Variants in CSMD1 observed in about 807,000 individuals in gnomAD.
The protein encoded by CSMD1 is CUB and sushi domain-containing protein 1.
Under a neutral mutation model 417.5 loss-of-function variants are expected in CSMD1, and 213 were observed. That is an observed-to-expected ratio of 0.51 (90% CI 0.46 to 0.57). The LOEUF (loss-of-function observed/expected upper bound fraction) is 0.57. Among genes scored for constraint, CSMD1 ranks in the 20% least tolerant of loss-of-function variants. The pLI, the probability that CSMD1 is intolerant of heterozygous loss-of-function variation, is 0.00. For missense variants in CSMD1, 6,923 were observed against 4,529.7 expected (o/e 1.53, Z -15.17); for synonymous variants, 2,862 against 1,736.8 (o/e 1.65, Z -16.11).
At chr8:2,971,771 T>C (rs1168020610) in intron 57 of CSMD1, among the ~76,000 whole-genome samples, 2 of 152,222 alleles carry the variant, frequency 1.3e-5, no homozygotes, top group Non-Finnish European at 1.5e-5. Flanking sequence ...AGTGTCATAC[T>C]TCAGTTAAAA....
chr8:4,766,225 G>C (rs1585065045), intron 1 of CSMD1, among the ~76,000 whole-genome samples: 1 of 152,216 alleles, frequency 6.6e-6, no homozygotes, highest in South Asian at 2.1e-4. Flanking sequence ...CTGGTGCGTT[G>C]GCAACAAGTG....
At chr8:4,133,343 T>C (rs374139215) in intron 3 of CSMD1, among the ~76,000 whole-genome samples, 10 of 152,368 alleles carry the variant, frequency 6.6e-5, no homozygotes, top group Admixed American at 6.5e-5. Context: ...CTTCTCAGCA[T>C]GGTAAGCACT....
chr8:3,304,273 G>A (rs1417362613), intron 25 of CSMD1, among the ~76,000 whole-genome samples: 1 of 151,952 alleles, frequency 6.6e-6, no homozygotes, highest in African/African-American at 2.4e-5. Flanking sequence ...AGTTAACATT[G>A]TAGGTAATAC....
intron 2 of CSMD1, among the ~76,000 whole-genome samples, chr8:4,607,717 G>A (rs1220350574): frequency 6.6e-6 from 1 of 152,092 alleles, no homozygotes; most frequent in Non-Finnish European, 1.5e-5. Flanking sequence ...CCACCCCTTG[G>A]TTAAAGAAAA....
At chr8:3,690,682 G>A (rs1048884364) in intron 7 of CSMD1, among the ~76,000 whole-genome samples, 1 of 152,166 alleles carries the variant, frequency 6.6e-6, no homozygotes, top group Non-Finnish European at 1.5e-5. Context: ...GTTGTAGGAA[G>A]GCTGAGAAGT....
intron 11 of CSMD1, among the ~76,000 whole-genome samples, chr8:3,492,941 T>C (rs867102360): frequency 6.6e-6 from 1 of 152,126 alleles, no homozygotes; most frequent in African/African-American, 2.4e-5. Context: ...AAAGCATCTG[T>C]ACCTCTTTAA....
intron 2 of CSMD1, among the ~76,000 whole-genome samples, chr8:4,566,448 A>C (rs1007990919): frequency 3.3e-5 from 5 of 151,024 alleles, no homozygotes; most frequent in Admixed American, 6.6e-5. Context: ...GGTCAAGAGA[A>C]CGAGACCATC....
rs555896141 is a variant in CSMD1 at position 4,035,165 on chromosome 8, G to C, written c.416-3066C>G. 1.5e-3 allele frequency among the ~76,000 whole-genome samples: 217 copies of C among 148,664 alleles called. 1 individual carries two copies. The highest frequency in any genetic ancestry group is 5.0e-3 in the African/African-American group (206 of 41,394). Reference sequence around the variant, plus strand: ...ACAACATCGGTCCCAGGAGATGATGGCGTACTGATGTTGTAGCCGTCATGA... The same window carrying C: ...ACAACATCGGTCCCAGGAGATGATGCCGTACTGATGTTGTAGCCGTCATGA... On this transcript the variant is annotated intron_variant, in intron 3 of 69. Coordinates refer to ENST00000635120, the MANE Select transcript of CSMD1 (RefSeq NM_033225.6).
intron 22 of CSMD1, among the ~76,000 whole-genome samples, chr8:3,345,980 T>G (rs937049503): frequency 1.3e-5 from 2 of 152,224 alleles, no homozygotes; most frequent in Non-Finnish European, 2.9e-5. Flanking sequence ...TTTATTTACG[T>G]GTGCAGGGGG....
intron 54 of CSMD1, among the ~76,000 whole-genome samples, chr8:2,986,402 G>A (rs1164045130): frequency 2.6e-5 from 4 of 152,010 alleles, no homozygotes; most frequent in Admixed American, 2.6e-4. Flanking sequence ...AGGTGGTGTG[G>A]GTGCAAACAC....
chr8:4,716,175 C>T (rs1031810243), intron 1 of CSMD1, among the ~76,000 whole-genome samples: 1 of 152,118 alleles, frequency 6.6e-6, no homozygotes, highest in Admixed American at 6.5e-5. Context: ...GCGAGGAATC[C>T]CCCTGAGCAG....
At chr8:4,777,237 T>G (rs1461833439) in intron 1 of CSMD1, among the ~76,000 whole-genome samples, 1 of 152,310 alleles carries the variant, frequency 6.6e-6, no homozygotes, top group East Asian at 1.9e-4. Context: ...AAGCAGAGCA[T>G]CCTCTCTGAA....
chr8:3,052,318 G>A (rs1380255779), intron 50 of CSMD1, 144 bp downstream of exon 50: 1 of 602,300 alleles, frequency 1.7e-6, no homozygotes, highest in Non-Finnish European at 2.9e-6. Context: ...AAATACATTG[G>A]TTTTAATATT....
Position 3,145,368 on chromosome 8 carries a change from G to A in CSMD1, c.6032-2694C>T, listed in dbSNP as rs569123643. ...TGCAGACTTCAGATATATTTATCCA[G>A]AAACACATTTTGAAATTCATGAACC... On this transcript the variant is annotated intron_variant, in intron 40 of 69. Transcript: ENST00000635120. Among the ~76,000 whole-genome samples the A allele has an allele frequency of 2.6e-5, 4 of 152,244 alleles. No individual in the cohort carries two copies. In the South Asian group the frequency reaches 8.3e-4, roughly 32 times the overall value.
intron 5 of CSMD1, among the ~76,000 whole-genome samples, chr8:3,837,321 T>G (rs1802776762): frequency 6.6e-6 from 1 of 152,164 alleles, no homozygotes; most frequent in African/African-American, 2.4e-5. Flanking sequence ...TTGCAACTAG[T>G]ATTCATTTCT....
chr8:3,307,617 G>C (rs965381417), intron 25 of CSMD1, 78 bp downstream of exon 25: 6 of 1,419,842 alleles, frequency 4.2e-6, no homozygotes, highest in South Asian at 4.0e-5. Flanking sequence ...TGGATATTTG[G>C]TGTACCACTA....
At chr8:4,615,294 T>A (rs1019219925) in intron 2 of CSMD1, among the ~76,000 whole-genome samples, 1 of 152,166 alleles carries the variant, frequency 6.6e-6, no homozygotes, top group African/African-American at 2.4e-5. Context: ...TCTCTTCACA[T>A]TGGGTTTACG....
intron 5 of CSMD1, among the ~76,000 whole-genome samples, chr8:3,853,484 T>C (rs1804056786): frequency 6.6e-6 from 1 of 152,212 alleles, no homozygotes; most frequent in South Asian, 2.1e-4. Flanking sequence ...TTGTCTACGT[T>C]GTTCACAGAC....
At chr8:3,985,221 T>C (rs1204609166) in intron 5 of CSMD1, among the ~76,000 whole-genome samples, 1 of 152,172 alleles carries the variant, frequency 6.6e-6, no homozygotes, top group African/African-American at 2.4e-5. Context: ...TGAGAAGCAT[T>C]GACGGGTTAT....
Sources: gnomAD v4.1 joint callset for allele counts (sites outside exome capture counted in the v4.1 genomes callset) on GRCh38, gnomAD v4.1.1 for gene constraint, MANE v1.5 for transcripts, NCBI Gene and HGNC (gene_info 2026-07-23, HGNC 2026-07-21) for gene names.